CCL26: variants seen among roughly 807,000 people sequenced by gnomAD.
CCL26 encodes the protein C-C motif chemokine 26.
CCL26 carries 10 observed loss-of-function variants against 10.7 expected under a neutral mutation model. The ratio of observed to expected loss-of-function variants is 0.93; its 90% CI spans 0.57 to 1.58. The LOEUF is 1.58. CCL26 is among the 40% of genes most tolerant of loss of function. CCL26 has a pLI of 0.00. For missense variants in CCL26, 116 were observed against 111.0 expected (o/e 1.05, Z -0.20); for synonymous variants, 43 against 41.4 (o/e 1.04, Z -0.15).
Position 75,777,721 on chromosome 7 carries a change from G to GAAA in CCL26, c.-78-5470_-78-5468dup, listed in dbSNP as rs60039632. On this transcript the variant is annotated intron_variant, in intron 1 of 3. Transcript: ENST00000394905. ...CCCAACAGAGTGAGATCCTGTCTCA[G>GAAA]AAAAAAAAAAAAAAAAAAAAAGCAG... is the stretch of plus-strand genomic sequence containing the variant. Among the ~76,000 whole-genome samples, 10 of 60,508 alleles carry GAAA rather than the reference G, an allele frequency of 1.7e-4. 1 individual carries two copies. The highest frequency in any genetic ancestry group is 3.5e-4 in the African/African-American group (5 of 14,156). 39.7% of individuals were successfully genotyped at this position (60,508 alleles called of 152,430 possible).
upstream of CCL26, among the ~76,000 whole-genome samples, chr7:75,790,245 C>CCTTCCAT (rs1803305148): frequency 1.1e-5 from 1 of 92,552 alleles, no homozygotes; most frequent in Non-Finnish European, 2.1e-5. Context: ...CTTCCATCCT[C>CCTTCCAT]CCTCCCTCCC....
chr7:75,771,115 C>T (rs1802811396), intron 2 of CCL26, among the ~76,000 whole-genome samples: 1 of 148,454 alleles, frequency 6.7e-6, no homozygotes, highest in Non-Finnish European at 1.5e-5. Context: ...GATGAAGTCT[C>T]TCTGTGTTAC....
At chr7:75,786,690 C>A (rs1441843966) in intron 1 of CCL26, among the ~76,000 whole-genome samples, 1 of 152,142 alleles carries the variant, frequency 6.6e-6, no homozygotes, top group African/African-American at 2.4e-5. Context: ...AGCTAACGTT[C>A]CAATGGCCAG....
intron 1 of CCL26, among the ~76,000 whole-genome samples, chr7:75,778,408 G>GTTT (rs369917697): frequency 2.5e-4 from 34 of 138,512 alleles, no homozygotes; most frequent in South Asian, 6.9e-4. Context: ...TTTTGGTGTG[G>GTTT]TTTTTTTTTT....
In CCL26 at chr7:75,787,651, C is replaced by CAAAAAAAAAA. The variant is rs55770109; in HGVS notation, c.-79+2056_-79+2065dup. On this transcript the variant is annotated intron_variant, in intron 1 of 3. Coordinates refer to the CCL26 transcript ENST00000394905. ...CAGAGTGAGACTCCGTCTCCAAAAG[C>CAAAAAAAAAA]AAAAAAAAAAAAAAAAAAAAAAAGA... Among the ~76,000 whole-genome samples, 19 of 27,738 alleles carry CAAAAAAAAAA rather than the reference C, an allele frequency of 6.8e-4. 1 individual carries two copies. Among genetic ancestry groups the CAAAAAAAAAA allele is most frequent in the Admixed American group, 2.0e-3 (3 of 1,510 alleles). The allele number at this position is 27,738 out of a possible 152,430, so 18.2% of individuals were successfully genotyped here. A position where few individuals can be genotyped will look rare whatever the true frequency, so the allele number is the denominator to read the frequency against.
Position 75,771,888 on chromosome 7 carries a change from C to CA in CCL26, c.188dup (p.Phe64IlefsTer60). 1 of 1,605,722 alleles carries CA rather than the reference C, an allele frequency of 6.2e-7. No homozygotes were observed. The highest frequency in any genetic ancestry group is 1.1e-5 in the South Asian group (1 of 90,928). On this transcript the variant is annotated frameshift_variant and splice_region_variant. Coordinates refer to ENST00000005180, the MANE Select transcript of CCL26 (RefSeq NM_001371938.1). LOFTEE classifies it high-confidence loss of function. The stretch of plus-strand genomic sequence containing the variant: ...AGAAAGTACGTCCGAGAAATACTCA[C>CA]ATCACAGCCCGCTGGGAGCAGCTGT...
At chr7:75,770,912 A>G (rs980503361) in intron 2 of CCL26, among the ~76,000 whole-genome samples, 4 of 152,170 alleles carry the variant, frequency 2.6e-5, no homozygotes, top group Admixed American at 2.0e-4. Context: ...ACTCTTGAAC[A>G]ACACGGATTT....
At chr7:75,773,590 G>T (rs1296276071), upstream of CCL26, among the ~76,000 whole-genome samples, 11 of 151,858 alleles carry the variant, frequency 7.2e-5, no homozygotes, top group Non-Finnish European at 8.8e-5. Context: ...GTGTGTGTGT[G>T]TGGGGCCAGT....
intron 1 of CCL26, among the ~76,000 whole-genome samples, chr7:75,786,396 C>T (rs1803184817): frequency 6.6e-6 from 1 of 152,196 alleles, no homozygotes; most frequent in African/African-American, 2.4e-5. Flanking sequence ...CACTACCTCT[C>T]AGCAAGTCAA....
chr7:75,777,449 G>A (rs1440749594), intron 1 of CCL26, among the ~76,000 whole-genome samples: 2 of 151,982 alleles, frequency 1.3e-5, no homozygotes, highest in African/African-American at 2.4e-5. Context: ...AATGCTGAGG[G>A]GAAAAAGTCA....
At chr7:75,774,682 C>T (rs530274012), upstream of CCL26, among the ~76,000 whole-genome samples, 1 of 151,272 alleles carries the variant, frequency 6.6e-6, no homozygotes, top group South Asian at 2.1e-4. Context: ...CTGACCTCAA[C>T]TGATCTGCCC....
chr7:75,782,612 G>A (rs192322412), intron 1 of CCL26, among the ~76,000 whole-genome samples: 98 of 152,050 alleles, frequency 6.4e-4, no homozygotes, highest in Middle Eastern at 3.4e-3. Flanking sequence ...AAATCTAAGC[G>A]TCTTATTTTC....
At chr7:75,775,575 T>C (rs1407545734), upstream of CCL26, among the ~76,000 whole-genome samples, 1 of 152,140 alleles carries the variant, frequency 6.6e-6, no homozygotes, top group Non-Finnish European at 1.5e-5. Flanking sequence ...ACCTCAGAGC[T>C]GGCTTAGCGG....
chr7:75,784,022 T>A (rs1055036297), intron 1 of CCL26, among the ~76,000 whole-genome samples: 1 of 152,192 alleles, frequency 6.6e-6, no homozygotes, highest in Non-Finnish European at 1.5e-5. Flanking sequence ...AACCTCGCCT[T>A]CAAGGTGTAC....
chr7:75,779,912 T>C (rs991761395), intron 1 of CCL26, among the ~76,000 whole-genome samples: 18 of 151,894 alleles, frequency 1.2e-4, no homozygotes, highest in Non-Finnish European at 2.2e-4. Flanking sequence ...TCCACTTTCC[T>C]GGGGGGCAAG....
intron 1 of CCL26, among the ~76,000 whole-genome samples, chr7:75,782,696 G>A (rs1803090337): frequency 6.6e-6 from 1 of 152,104 alleles, no homozygotes; most frequent in South Asian, 2.1e-4. Context: ...CCTTCCATTT[G>A]TCTATCCTAC....
chr7:75,780,050 C>T (rs1221888254), intron 1 of CCL26, among the ~76,000 whole-genome samples: 9 of 150,956 alleles, frequency 6.0e-5, no homozygotes, highest in Admixed American at 5.9e-4. Flanking sequence ...CTGTCCATGT[C>T]TCTACCCTCT....
chr7:75,770,815 A>T lies in CCL26; in HGVS notation c.189-1026T>A, dbSNP rs1802804636. The stretch of plus-strand genomic sequence containing the variant: ...CTCAGCCTCCGGAGTAACTGGGCTT[A>T]CAGGCCTGCGCCACCTCACCTGGCT... On this transcript the variant is annotated intron_variant, in intron 2 of 2. Transcript: ENST00000005180. 3.3e-5 allele frequency among the ~76,000 whole-genome samples: 5 copies of T among 152,112 alleles called. 1 individual carries two copies. The South Asian group carries it at 1.0e-3, about 32-fold the overall frequency.
At chr7:75,787,440 C>T (rs1803221429) in intron 1 of CCL26, among the ~76,000 whole-genome samples, 1 of 151,832 alleles carries the variant, frequency 6.6e-6, no homozygotes, top group Non-Finnish European at 1.5e-5. Flanking sequence ...GTCAGAAGAT[C>T]AAGATCATCC....
Sources: gnomAD v4.1 joint callset for allele counts (sites outside exome capture counted in the v4.1 genomes callset) on GRCh38, gnomAD v4.1.1 for gene constraint, MANE v1.5 for transcripts, NCBI Gene and HGNC (gene_info 2026-07-23, HGNC 2026-07-21) for gene names.